Variants in GPD1L observed in about 807,000 individuals in gnomAD.
GPD1L encodes glycerol-3-phosphate dehydrogenase 1-like protein.
A neutral mutation model predicts 32.9 loss-of-function variants in GPD1L; 17 were observed. The ratio of observed to expected loss-of-function variants is 0.52; its 90% CI spans 0.35 to 0.78. The LOEUF (loss-of-function observed/expected upper bound fraction) is 0.78, where lower values mean the gene tolerates loss of function less well. GPD1L is among the 30% of genes least tolerant of loss of function. GPD1L has a pLI of 0.01. For missense variants in GPD1L, 361 were observed against 447.8 expected, an observed-to-expected ratio of 0.81 and a Z score of 1.75; for synonymous variants, 187 against 165.9, an observed-to-expected ratio of 1.13 and a Z score of -0.98.
At chr3:32,161,739 A>G (rs1185739777) in intron 7 of GPD1L, among the ~76,000 whole-genome samples, 6 of 152,186 alleles carry the variant, frequency 3.9e-5, no homozygotes, top group African/African-American at 1.4e-4. Flanking sequence ...CTCTGCTCTG[A>G]GCAGACATCT....
chr3:32,121,565 G>A (rs28659972), intron 1 of GPD1L, among the ~76,000 whole-genome samples: 6,651 of 64,680 alleles, frequency 0.1, 1,238 homozygotes, highest in African/African-American at 0.39. Flanking sequence ...ATATTTCTAT[G>A]TATATATTTC....
chr3:32,154,412 C>T (rs1700960334), intron 5 of GPD1L, among the ~76,000 whole-genome samples: 1 of 152,148 alleles, frequency 6.6e-6, no homozygotes, highest in African/African-American at 2.4e-5. Context: ...AGGGCCTGTC[C>T]ATACAGTCCT....
intron 1 of GPD1L, among the ~76,000 whole-genome samples, chr3:32,126,016 G>A (rs1267031848): frequency 1.3e-5 from 2 of 152,062 alleles, no homozygotes; most frequent in Non-Finnish European, 2.9e-5. Flanking sequence ...GTTCTTAATG[G>A]TACCAATGTT....
chr3:32,123,463 A>G (rs1320643679), intron 1 of GPD1L, among the ~76,000 whole-genome samples: 1 of 152,140 alleles, frequency 6.6e-6, no homozygotes, highest in Admixed American at 6.6e-5. Flanking sequence ...GAGAGTTGAA[A>G]AGGGCATGAG....
At chr3:32,143,009 A>G (rs1317163087) in intron 4 of GPD1L, among the ~76,000 whole-genome samples, 1 of 151,956 alleles carries the variant, frequency 6.6e-6, no homozygotes, top group Non-Finnish European at 1.5e-5. Flanking sequence ...GGGAGTTTCC[A>G]AAAAAGAAAA....
At chr3:32,122,846 C>G (rs1487056878) in intron 1 of GPD1L, among the ~76,000 whole-genome samples, 1 of 152,194 alleles carries the variant, frequency 6.6e-6, no homozygotes, top group Non-Finnish European at 1.5e-5. Flanking sequence ...GGCTTTGGCT[C>G]TATCTGCTTC....
intron 5 of GPD1L, 83 bp from the exon 6 acceptor site, chr3:32,158,793 C>T: frequency 6.4e-7 from 1 of 1,559,120 alleles, no homozygotes; most frequent in South Asian, 1.2e-5. Context: ...TCTGCCCCTG[C>T]CTCGGCATCC....
At chr3:32,152,926 C>T (rs1700940141) in intron 5 of GPD1L, among the ~76,000 whole-genome samples, 1 of 151,788 alleles carries the variant, frequency 6.6e-6, no homozygotes, top group African/African-American at 2.4e-5. Flanking sequence ...TGTCACTTGG[C>T]TTCATCTCAG....
chr3:32,138,423 A>G (rs527946229), intron 2 of GPD1L, among the ~76,000 whole-genome samples, 164 bp from the exon 3 acceptor site: 104 of 152,178 alleles, frequency 6.8e-4, no homozygotes, highest in Non-Finnish European at 1.4e-3. Flanking sequence ...TCAGACCCCC[A>G]TAAGGAATAA....
intron 7 of GPD1L, among the ~76,000 whole-genome samples, chr3:32,160,953 G>A (rs1701066415): frequency 1.3e-5 from 2 of 152,216 alleles, no homozygotes; most frequent in South Asian, 4.1e-4. Flanking sequence ...CTCTCTAGGG[G>A]AGGGGAGGTC....
chr3:32,127,311 CT>C (rs1700524567), intron 1 of GPD1L, among the ~76,000 whole-genome samples: 1 of 152,246 alleles, frequency 6.6e-6, no homozygotes, highest in African/African-American at 2.4e-5. Context: ...GAGGGGAAAG[CT>C]GACAGGCTCA....
At chr3:32,164,231 T>C (rs1192315103) in intron 7 of GPD1L, among the ~76,000 whole-genome samples, 1 of 152,174 alleles carries the variant, frequency 6.6e-6, no homozygotes, top group African/African-American at 2.4e-5. Flanking sequence ...CCACACTGCT[T>C]TGGGGACATA....
rs1443454759 is a variant in GPD1L, at chr3:32,160,537, G to T, written c.959+863G>T. ...ATGGGTGAGTGGATGGGTGGGATGG[G>T]TGAATGGATGGATGATGGGTGGGTG... On this transcript the variant is annotated intron_variant, in intron 7 of 7. Transcript: ENST00000282541. Among the ~76,000 whole-genome samples the T allele has an allele frequency of 7.3e-5, 5 of 68,918 alleles. 2 individuals carry two copies. Among genetic ancestry groups the T allele is most frequent in the Admixed American group, 4.3e-4 (3 of 7,044 alleles). 45.2% of individuals were successfully genotyped at this position (68,918 alleles called of 152,430 possible). A position where few individuals can be genotyped will look rare whatever the true frequency, so the allele number is the denominator to read the frequency against.
Position 32,138,741 on chromosome 3 carries a change from A to C in GPD1L, c.366+14A>C. 1 of 1,613,532 alleles carries C rather than the reference A, an allele frequency of 6.2e-7. No homozygotes were observed. The highest frequency in any genetic ancestry group is 8.5e-7 in the Non-Finnish European group (1 of 1,179,540). ...ACCCTCATCAAGGTAACTCGAGTGC[A>C]TGCTGCCCAGGGCTAGACATTGGTT... On this transcript the variant is annotated intron_variant, in intron 3 of 7. Coordinates refer to ENST00000282541, the MANE Select transcript of GPD1L (RefSeq NM_015141.4).
At chr3:32,140,391 C>G (rs1048612656) in intron 4 of GPD1L, 25 bp downstream of exon 4, 1 of 1,613,098 alleles carries the variant, frequency 6.2e-7, no homozygotes, top group African/African-American at 1.3e-5. Flanking sequence ...GGAGGGACCC[C>G]AGGAGTCTGG....
intron 5 of GPD1L, among the ~76,000 whole-genome samples, chr3:32,148,137 C>T (rs77900400): frequency 0.024 from 3,676 of 152,268 alleles, 143 homozygotes; most frequent in African/African-American, 0.083. Context: ...CAGGGGGCAT[C>T]GTGAATGCCT....
At chr3:32,131,880 C>A (rs1700592120) in intron 2 of GPD1L, among the ~76,000 whole-genome samples, 1 of 152,196 alleles carries the variant, frequency 6.6e-6, no homozygotes, top group Non-Finnish European at 1.5e-5. Flanking sequence ...CCAGTTTCTT[C>A]ACATTCTCAC....
At chr3:32,164,335 TTTATTCAAC>T (rs1404898754) in intron 7 of GPD1L, among the ~76,000 whole-genome samples, 8 of 152,224 alleles carry the variant, frequency 5.3e-5, no homozygotes, top group African/African-American at 1.9e-4. Flanking sequence ...TCCACAGGAA[TTTATTCAAC>T]GAATTCTCAC....
At position 32,121,563 on chromosome 3, in the gene GPD1L, ATGTATATATTTCTATATATATATTTC is replaced by A. The variant is rs1559570521; in HGVS notation, c.48-6511_48-6486del. 2.2e-3 allele frequency among the ~76,000 whole-genome samples: 294 copies of A among 134,516 alleles called. 49 individuals are homozygous for A. Among genetic ancestry groups the A allele is most frequent in the African/African-American group, 8.3e-3 (281 of 33,960 alleles). 88.2% of individuals were successfully genotyped at this position (134,516 alleles called of 152,430 possible). On this transcript the variant is annotated intron_variant, in intron 1 of 7. Coordinates refer to ENST00000282541, the MANE Select transcript of GPD1L (RefSeq NM_015141.4). ...TATATATTTCTATATATATATTTCTATGTATATATTTCTATATATATATTTCTATATATATATTTCTATATATATTT... is the reference window on the plus strand; with the variant it reads ...TATATATTTCTATATATATATTTCTATATATATATATTTCTATATATATTT...
Sources: allele counts gnomAD v4.1 joint callset (sites outside exome capture counted in the v4.1 genomes callset), GRCh38; gene constraint gnomAD v4.1.1; transcripts MANE v1.5; gene names NCBI Gene and HGNC (gene_info 2026-07-23, HGNC 2026-07-21).